ZNF892: variants seen among roughly 807,000 people sequenced by gnomAD.
ZNF892 encodes zinc finger protein 892, also known as zinc finger protein 570-like.
the ZNF892 span, among the ~76,000 whole-genome samples, chr2:95,224,540 A>G: frequency 2.0e-5 from 3 of 152,232 alleles, no homozygotes; most frequent in African/African-American, 7.2e-5. Context: ...GAGAGGGGGA[A>G]AGGTGCCACA....
At chr2:95,231,491 T>C in the ZNF892 span, among the ~76,000 whole-genome samples, 2 of 152,176 alleles carry the variant, frequency 1.3e-5, no homozygotes, top group African/African-American at 2.4e-5. Context: ...TTTGTCAAAA[T>C]TGTACAGTTA....
the ZNF892 span, among the ~76,000 whole-genome samples, chr2:95,244,041 C>T: frequency 1.3e-5 from 2 of 150,948 alleles, no homozygotes; most frequent in African/African-American, 4.9e-5. Context: ...TGTGACCTTA[C>T]CCCCAACCCT....
At chr2:95,254,860 T>C in the ZNF892 span, among the ~76,000 whole-genome samples, 16 of 152,376 alleles carry the variant, frequency 1.1e-4, no homozygotes, top group East Asian at 3.8e-4. Flanking sequence ...TTTTCTAGTT[T>C]ATTTGCATAG....
the ZNF892 span, among the ~76,000 whole-genome samples, chr2:95,243,638 G>GAGCCCCTCCGCCTGGC: frequency 6.6e-6 from 1 of 151,686 alleles, no homozygotes; most frequent in Non-Finnish European, 1.5e-5. Context: ...GAGAAGTGAG[G>GAGCCCCTCCGCCTGGC]AGCCCCTCCG....
chr2:95,263,243 C>G, the ZNF892 span, among the ~76,000 whole-genome samples: 1 of 152,196 alleles, frequency 6.6e-6, no homozygotes, highest in Non-Finnish European at 1.5e-5. Flanking sequence ...GGGCCTCAGT[C>G]CTACAGCTAC....
chr2:95,207,358 G>T, the ZNF892 span, among the ~76,000 whole-genome samples: 1 of 152,212 alleles, frequency 6.6e-6, no homozygotes, highest in African/African-American at 2.4e-5. Context: ...TTCCAGAGTC[G>T]CTGGCAGGGT....
the ZNF892 span, among the ~76,000 whole-genome samples, chr2:95,246,081 A>G: frequency 6.6e-6 from 1 of 152,214 alleles, no homozygotes; most frequent in African/African-American, 2.4e-5. Context: ...ATTTCAAGCC[A>G]ATTTCCTTGA....
chr2:95,225,849 A>G, the ZNF892 span, among the ~76,000 whole-genome samples: 1 of 152,254 alleles, frequency 6.6e-6, no homozygotes, highest in Non-Finnish European at 1.5e-5. Flanking sequence ...CTTCTGAAAT[A>G]CAATGGTGAG....
the ZNF892 span, among the ~76,000 whole-genome samples, chr2:95,237,016 T>G: frequency 6.6e-6 from 1 of 152,316 alleles, no homozygotes; most frequent in Non-Finnish European, 1.5e-5. Flanking sequence ...CCACCCTGCA[T>G]GGGCACAATT....
chr2:95,209,013 A>T, the ZNF892 span, among the ~76,000 whole-genome samples: 1 of 152,250 alleles, frequency 6.6e-6, no homozygotes, highest in Admixed American at 6.5e-5. Context: ...TTGCTCCTGC[A>T]TCGTGGAGTT....
At chr2:95,253,200 G>A in the ZNF892 span, among the ~76,000 whole-genome samples, 2 of 152,132 alleles carry the variant, frequency 1.3e-5, no homozygotes, top group Non-Finnish European at 2.9e-5. Flanking sequence ...TTTTCTTCTA[G>A]GGTTTTTATG....
At chr2:95,223,099 G>A in the ZNF892 span, among the ~76,000 whole-genome samples, 1 of 152,136 alleles carries the variant, frequency 6.6e-6, no homozygotes, top group Non-Finnish European at 1.5e-5. Context: ...ATTGATCTAT[G>A]TGTCCATCCC....
At chr2:95,215,707 T>C in the ZNF892 span, 4 of 397,454 alleles carry the variant, frequency 1.0e-5, no homozygotes, top group African/African-American at 2.1e-5. Context: ...AAAAAAGTTA[T>C]TGACAAGTCA....
At chr2:95,242,061 T>C in the ZNF892 span, among the ~76,000 whole-genome samples, 1 of 152,120 alleles carries the variant, frequency 6.6e-6, no homozygotes, top group Admixed American at 6.5e-5. Context: ...TGGAACCAAG[T>C]TGGAAAACAT....
At chr2:95,250,595 AATTATAAATTTATAAATATAAAC>A in the ZNF892 span, among the ~76,000 whole-genome samples, 539 of 99,630 alleles carry the variant, frequency 5.4e-3, 6 homozygotes, top group African/African-American at 0.019. Context: ...GCTATTCATA[AATTATAAATTTATAAATATAAAC>A]TATTCATAAA....
chr2:95,217,178 GC>G, the ZNF892 span, among the ~76,000 whole-genome samples: 2 of 152,128 alleles, frequency 1.3e-5, no homozygotes, highest in Admixed American at 6.5e-5. Flanking sequence ...GAGAGAAATA[GC>G]TCCCTCTTCT....
chr2:95,215,318 C>T, the ZNF892 span: 4 of 465,286 alleles, frequency 8.6e-6, no homozygotes, highest in East Asian at 9.9e-5. Flanking sequence ...CCTTCAGTGA[C>T]CGCTCAGCCC....
chr2:95,251,617 C>A, the ZNF892 span, among the ~76,000 whole-genome samples: 1 of 152,232 alleles, frequency 6.6e-6, no homozygotes, highest in Non-Finnish European at 1.5e-5. Context: ...ACGGCAATGA[C>A]CCCTGTGGAC....
At chr2:95,221,464 C>T in the ZNF892 span, among the ~76,000 whole-genome samples, 18 of 152,230 alleles carry the variant, frequency 1.2e-4, 1 homozygote, top group East Asian at 3.3e-3. Context: ...TTTTCTCCAT[C>T]TCTGGGGGAG....
Sources: gnomAD v4.1 joint callset for allele counts (sites outside exome capture counted in the v4.1 genomes callset) on GRCh38, gnomAD v4.1.1 for gene constraint, MANE v1.5 for transcripts, NCBI Gene and HGNC (gene_info 2026-07-23, HGNC 2026-07-21) for gene names.